FAM168A: variants seen among roughly 807,000 people sequenced by gnomAD.
FAM168A encodes the protein protein FAM168A.
FAM168A carries 3 observed loss-of-function variants against 28.5 expected under a neutral mutation model. That is an observed-to-expected ratio of 0.11 (90% confidence interval 0.05 to 0.27). The LOEUF is 0.27. Among genes scored for constraint, FAM168A ranks in the 10% least tolerant of loss-of-function variants. The pLI, the probability that FAM168A is intolerant of heterozygous loss-of-function variation, is 1.00. For synonymous variants in FAM168A, 122 were observed against 124.2 expected, an observed-to-expected ratio of 0.98 and a Z score of 0.12; for missense variants, 222 against 311.5, an observed-to-expected ratio of 0.71 and a Z score of 2.16.
chr11:73,441,062 CTTT>C (rs368552302), intron 2 of FAM168A, among the ~76,000 whole-genome samples: 1 of 143,132 alleles, frequency 7.0e-6, no homozygotes, highest in South Asian at 2.2e-4. Context: ...ATCAGACAGA[CTTT>C]TTTTTTTTTT....
chr11:73,503,090 C>A (rs555093545), intron 1 of FAM168A, among the ~76,000 whole-genome samples: 1 of 152,236 alleles, frequency 6.6e-6, no homozygotes, highest in African/African-American at 2.4e-5. Context: ...AAAACCAGTA[C>A]AGGACAAGGA....
chr11:73,557,384 G>A (rs1157844522), intron 1 of FAM168A, among the ~76,000 whole-genome samples: 2 of 151,908 alleles, frequency 1.3e-5, no homozygotes, highest in African/African-American at 2.4e-5. Flanking sequence ...CACCACTCCT[G>A]GCTAAGTTTT....
intron 1 of FAM168A, among the ~76,000 whole-genome samples, chr11:73,471,951 G>C (rs1371116978): frequency 1.3e-5 from 2 of 152,120 alleles, no homozygotes; most frequent in East Asian, 3.9e-4. Flanking sequence ...CAGGAGGTGA[G>C]CAGCAGGCAA....
At chr11:73,448,823 C>A (rs1302510148) in intron 2 of FAM168A, among the ~76,000 whole-genome samples, 3 of 152,182 alleles carry the variant, frequency 2.0e-5, no homozygotes. Context: ...AGATATTGGT[C>A]TTGTACTCAC....
intron 5 of FAM168A, chr11:73,410,732 A>C (rs973694392): frequency 3.3e-5 from 5 of 152,254 alleles, no homozygotes; most frequent in African/African-American, 1.2e-4. Flanking sequence ...GCTGTTTTTT[A>C]AACTAAAAAA....
chr11:73,431,788 T>C (rs193104037), intron 2 of FAM168A, among the ~76,000 whole-genome samples: 1 of 152,352 alleles, frequency 6.6e-6, no homozygotes, highest in East Asian at 1.9e-4. Context: ...ACGTGTAATA[T>C]AAAATGTGCA....
intron 1 of FAM168A, among the ~76,000 whole-genome samples, chr11:73,570,149 T>C (rs925907311): frequency 1.3e-5 from 2 of 152,246 alleles, no homozygotes; most frequent in African/African-American, 4.8e-5. Flanking sequence ...AAGGGTTAAG[T>C]ACATAGCTCT....
chr11:73,572,739 G>C (rs1395823712), intron 1 of FAM168A, among the ~76,000 whole-genome samples: 1 of 150,724 alleles, frequency 6.6e-6, no homozygotes, highest in Admixed American at 6.6e-5. Flanking sequence ...CAAACACTGC[G>C]GAAGGCCACA....
chr11:73,446,449 A>G (rs1867316379), intron 2 of FAM168A, among the ~76,000 whole-genome samples: 1 of 152,200 alleles, frequency 6.6e-6, no homozygotes, highest in South Asian at 2.1e-4. Context: ...ACTAGAAAAA[A>G]GAGGGATTCC....
At chr11:73,431,437 T>C (rs916687725) in intron 2 of FAM168A, among the ~76,000 whole-genome samples, 7 of 148,492 alleles carry the variant, frequency 4.7e-5, no homozygotes, top group Admixed American at 4.7e-4. Flanking sequence ...GCCGCACTAC[T>C]CTCCTCCCCA....
Position 73,592,553 on chromosome 11 carries a change from G to A in FAM168A, c.-19+5370C>T, listed in dbSNP as rs372481965. Among the ~76,000 whole-genome samples, 56 of 152,194 alleles carry A rather than the reference G, an allele frequency of 3.7e-4. No homozygotes were observed. In the South Asian group the frequency reaches 0.012, roughly 32 times the overall value. Reference sequence around the variant, plus strand: ...TATGGCCCGCCCATGGCCTATTTTTGTATGGCCTGTGAGTTTTACATTCTT... The same window carrying A: ...TATGGCCCGCCCATGGCCTATTTTTATATGGCCTGTGAGTTTTACATTCTT... On this transcript the variant is annotated intron_variant, in intron 1 of 7. Transcript: ENST00000356467.
chr11:73,427,336 T>A (rs1310105808), intron 3 of FAM168A, among the ~76,000 whole-genome samples: 1 of 151,762 alleles, frequency 6.6e-6, no homozygotes, highest in African/African-American at 2.4e-5. Flanking sequence ...AAAATCAAGT[T>A]AGATGAGGGC....
Position 73,467,783 on chromosome 11 carries a change from A to G in FAM168A, c.70+622T>C, listed in dbSNP as rs185966284. ...GGAAAAGCAACAAGCTCCATGAGCT[A>G]GTAGGGTATAGGGTACTGCCCCATG... On this transcript the variant is annotated intron_variant, in intron 2 of 7. Transcript: ENST00000356467. 3.6e-3 allele frequency among the ~76,000 whole-genome samples: 552 copies of G among 152,356 alleles called. 2 individuals are homozygous for G. Among genetic ancestry groups the G allele is most frequent in the African/African-American group, 0.013 (520 of 41,590 alleles).
At chr11:73,518,747 AT>A (rs1269435289) in intron 1 of FAM168A, among the ~76,000 whole-genome samples, 1 of 152,012 alleles carries the variant, frequency 6.6e-6, no homozygotes, top group Non-Finnish European at 1.5e-5. Context: ...AAATACAAAA[AT>A]TAGCTGGGCG....
At chr11:73,426,227 G>A (rs1462922070) in intron 3 of FAM168A, among the ~76,000 whole-genome samples, 2 of 152,128 alleles carry the variant, frequency 1.3e-5, no homozygotes, top group African/African-American at 4.8e-5. Context: ...TAGGTCCCTC[G>A]ATTCTGAAAG....
At chr11:73,561,631 A>G (rs1221092837) in intron 1 of FAM168A, among the ~76,000 whole-genome samples, 1 of 152,204 alleles carries the variant, frequency 6.6e-6, no homozygotes, top group Non-Finnish European at 1.5e-5. Context: ...CATTAAAATT[A>G]TTCCATAGAG....
chr11:73,596,115 G>C (rs1259553785), intron 1 of FAM168A, among the ~76,000 whole-genome samples: 1 of 152,136 alleles, frequency 6.6e-6, no homozygotes, highest in Non-Finnish European at 1.5e-5. Flanking sequence ...GGGTAAAAAA[G>C]GCCCAAGCTC....
intron 3 of FAM168A, among the ~76,000 whole-genome samples, chr11:73,426,887 G>A (rs1329072576): frequency 6.6e-6 from 1 of 152,132 alleles, no homozygotes; most frequent in Non-Finnish European, 1.5e-5. Context: ...GTGTTTTTGA[G>A]AAAATAGTCT....
Position 73,409,606 on chromosome 11 carries a change from G to A in FAM168A, c.476C>T (p.Thr159Ile). 1 of 1,613,886 alleles carries A rather than the reference G, an allele frequency of 6.2e-7. No homozygotes were observed. Among genetic ancestry groups the A allele is most frequent in the Non-Finnish European group, 8.5e-7 (1 of 1,179,876 alleles). ...AATGCTGTTGGGCTGGACGACCGTG[G>A]TATGGTGGATGACATGAGGCTGGGC... ...YAAQPHVIHH[T>I]TVVQPNSIPS... is the part of the protein sequence containing the mutation. The change falls in exon 6 of 8, where the codon ACC becomes ATC. Residue 159 changes from threonine to isoleucine, a missense_variant. Physicochemically the swap from Thr to Ile is moderately conservative, Grantham distance 89 (BLOSUM62 -1). Coordinates refer to ENST00000356467, the MANE Select transcript of FAM168A (RefSeq NM_015159.3).
Sources: allele counts gnomAD v4.1 joint callset (sites outside exome capture counted in the v4.1 genomes callset), GRCh38; gene constraint gnomAD v4.1.1; transcripts MANE v1.5; gene names NCBI Gene and HGNC (gene_info 2026-07-23, HGNC 2026-07-21).